The following SUSD4 variants were observed in gnomAD, a reference collection of about 807,000 sequenced individuals.
SUSD4 encodes sushi domain containing 4.
SUSD4 carries 41 observed loss-of-function variants against 50.5 expected under a neutral mutation model. That is an observed-to-expected ratio of 0.81 (90% CI 0.63 to 1.05). The LOEUF (loss-of-function observed/expected upper bound fraction) is 1.05. Ranked by LOEUF, SUSD4 falls within the 50% of genes least tolerant of loss-of-function variation. The pLI is 0.00. For missense variants in SUSD4, 580 were observed against 634.7 expected (o/e 0.91, Z 0.93); for synonymous variants, 257 against 257.3 (o/e 1.00, Z 0.01).
chr1:223,350,971 A>G (rs1343642834), intron 2 of SUSD4, among the ~76,000 whole-genome samples: 1 of 152,270 alleles, frequency 6.6e-6, no homozygotes, highest in African/African-American at 2.4e-5. Context: ...AACTAAAAAT[A>G]TAACAATAAC....
At chr1:223,271,350 G>A (rs1335196054) in intron 3 of SUSD4, among the ~76,000 whole-genome samples, 2 of 152,146 alleles carry the variant, frequency 1.3e-5, no homozygotes, top group East Asian at 1.9e-4. Context: ...AATGTAGAAC[G>A]CTTTCAACTT....
chr1:223,347,387 G>A (rs978547628), intron 2 of SUSD4, among the ~76,000 whole-genome samples: 3 of 152,044 alleles, frequency 2.0e-5, no homozygotes, highest in Non-Finnish European at 2.9e-5. Flanking sequence ...CAGTGCAGAC[G>A]TCTTTCAAGG....
chr1:223,279,353 T>A (rs1175166271), intron 3 of SUSD4, among the ~76,000 whole-genome samples: 1 of 152,144 alleles, frequency 6.6e-6, no homozygotes, highest in East Asian at 1.9e-4. Context: ...CTAACTAGAA[T>A]AACCAGTGTA....
At chr1:223,281,403 GA>G (rs1663717376) in intron 3 of SUSD4, among the ~76,000 whole-genome samples, 1 of 151,988 alleles carries the variant, frequency 6.6e-6, no homozygotes, top group African/African-American at 2.4e-5. Context: ...TGATAAAGGG[GA>G]TATCACCACC....
intron 2 of SUSD4, among the ~76,000 whole-genome samples, chr1:223,356,976 C>A (rs1204831483): frequency 6.6e-6 from 1 of 152,166 alleles, no homozygotes; most frequent in Non-Finnish European, 1.5e-5. Context: ...TAGGAAGGCT[C>A]TAAGGGAGCA....
chr1:223,272,411 A>G (rs1248387824), intron 3 of SUSD4, among the ~76,000 whole-genome samples: 1 of 152,260 alleles, frequency 6.6e-6, no homozygotes, highest in East Asian at 1.9e-4. Flanking sequence ...AATAAATAAA[A>G]GAAGGAGTAA....
Position 223,223,435 on chromosome 1 carries a change from TG to T in SUSD4, c.1257del (p.Asp419GlufsTer44), listed in dbSNP as rs1340403364. ...TCTGACTCCCCTGGGCCTGTGTCCGTGTCCCCTGAGCCGGGGTATGCTGGGG... is the reference window on the plus strand; with the variant it reads ...TCTGACTCCCCTGGGCCTGTGTCCGTTCCCCTGAGCCGGGGTATGCTGGGG... ...QSPPAYPGSG[D>X]TDTGPGESET... On this transcript the variant is annotated frameshift_variant, in exon 8 of 9. Transcript: ENST00000366878. LOFTEE classifies it high-confidence loss of function. The T allele has an allele frequency of 6.2e-7, 1 of 1,614,014 alleles. No individual in the cohort carries two copies. The highest frequency in any genetic ancestry group is 8.5e-7 in the Non-Finnish European group (1 of 1,179,946).
chr1:223,263,744 C>G (rs568933018), intron 5 of SUSD4: 1 of 985,448 alleles, frequency 1.0e-6, no homozygotes, highest in African/African-American at 1.7e-5. Context: ...TGACTTCCTC[C>G]CACACAGAGG....
intron 2 of SUSD4, among the ~76,000 whole-genome samples, chr1:223,341,667 C>G (rs1273478591): frequency 6.6e-6 from 1 of 152,198 alleles, no homozygotes; most frequent in Non-Finnish European, 1.5e-5. Context: ...ATGGCTCCCC[C>G]ATGCCTCAGG....
At chr1:223,343,562 AG>A (rs1667874031) in intron 2 of SUSD4, among the ~76,000 whole-genome samples, 3 of 152,232 alleles carry the variant, frequency 2.0e-5, no homozygotes, top group Non-Finnish European at 2.9e-5. Flanking sequence ...TATATTGTTA[AG>A]TAATACAAGT....
At chr1:223,360,259 T>TGGG (rs779075155) in intron 2 of SUSD4, 21 of 470,134 alleles carry the variant, frequency 4.5e-5, no homozygotes, top group Non-Finnish European at 7.1e-5. Context: ...AGCCTGGGGG[T>TGGG]GGGGGGCACT....
At chr1:223,357,599 T>C (rs1668736294) in intron 2 of SUSD4, among the ~76,000 whole-genome samples, 1 of 152,212 alleles carries the variant, frequency 6.6e-6, no homozygotes, top group Non-Finnish European at 1.5e-5. Flanking sequence ...AATGAGTTAC[T>C]ATCCACAAAG....
chr1:223,226,824 T>A (rs1016075285), intron 7 of SUSD4, among the ~76,000 whole-genome samples: 1 of 152,160 alleles, frequency 6.6e-6, no homozygotes, highest in Non-Finnish European at 1.5e-5. Context: ...TTCTGTGGTG[T>A]TTTGCTGTCC....
At chr1:223,304,887 C>T (rs1227803958) in intron 2 of SUSD4, among the ~76,000 whole-genome samples, 4 of 126,696 alleles carry the variant, frequency 3.2e-5, no homozygotes, top group South Asian at 5.1e-4. Context: ...ACCAGTTCCC[C>T]GAAGAATGAA....
intron 3 of SUSD4, among the ~76,000 whole-genome samples, chr1:223,279,340 T>C (rs1281833742): frequency 4.6e-5 from 7 of 152,140 alleles, no homozygotes; most frequent in Non-Finnish European, 1.5e-5. Context: ...ATTAGATGAA[T>C]GGCTAACTAG....
chr1:223,252,054 C>T (rs1318482157), intron 5 of SUSD4, among the ~76,000 whole-genome samples: 3 of 117,232 alleles, frequency 2.6e-5, no homozygotes, highest in Non-Finnish European at 4.9e-5. Flanking sequence ...GAACATCACA[C>T]ACCAGGGCCT....
At chr1:223,307,150 CACA>C (rs1263536584) in intron 2 of SUSD4, among the ~76,000 whole-genome samples, 1 of 152,142 alleles carries the variant, frequency 6.6e-6, no homozygotes, top group Admixed American at 6.5e-5. Flanking sequence ...CGTGAGCCAC[CACA>C]TCCAGCCAGT....
chr1:223,276,285 T>A (rs781605182), intron 3 of SUSD4, among the ~76,000 whole-genome samples: 6 of 152,346 alleles, frequency 3.9e-5, no homozygotes, highest in Non-Finnish European at 8.8e-5. Flanking sequence ...GCTGATGATG[T>A]TGTTGTTCTC....
chr1:223,274,527 T>C (rs1663129994), intron 3 of SUSD4, among the ~76,000 whole-genome samples: 1 of 152,226 alleles, frequency 6.6e-6, no homozygotes, highest in African/African-American at 2.4e-5. Flanking sequence ...TTAAACTCAC[T>C]GAGAAAAAGC....
Sources: gnomAD v4.1 joint callset for allele counts (sites outside exome capture counted in the v4.1 genomes callset) on GRCh38, gnomAD v4.1.1 for gene constraint, MANE v1.5 for transcripts, NCBI Gene and HGNC (gene_info 2026-07-23, HGNC 2026-07-21) for gene names.